Variants in AKAP19 observed in about 807,000 individuals in gnomAD.
AKAP19 encodes the protein A-kinase anchoring protein 19, also known as small A-kinase anchoring protein.
At chr2:190,007,576 G>C in the AKAP19 span, among the ~76,000 whole-genome samples, 2 of 152,208 alleles carry the variant, frequency 1.3e-5, no homozygotes, top group African/African-American at 2.4e-5. Flanking sequence ...TTTAAGGACT[G>C]TGCCTCCTCC....
At chr2:189,999,818 C>T in the AKAP19 span, among the ~76,000 whole-genome samples, 3 of 152,288 alleles carry the variant, frequency 2.0e-5, no homozygotes, top group Middle Eastern at 6.8e-3. Flanking sequence ...TGGTTTATTA[C>T]TATTCAGAGC....
the AKAP19 span, among the ~76,000 whole-genome samples, chr2:189,978,977 A>AT: frequency 6.6e-6 from 1 of 152,178 alleles, no homozygotes; most frequent in Non-Finnish European, 1.5e-5. Flanking sequence ...AGTTGAAAGA[A>AT]TCAATATCAT....
the AKAP19 span, among the ~76,000 whole-genome samples, chr2:190,151,377 A>G: frequency 6.6e-6 from 1 of 152,046 alleles, no homozygotes; most frequent in Admixed American, 6.6e-5. Context: ...CCATCCCCCC[A>G]TGACAGGCCA....
chr2:189,904,313 C>G, the AKAP19 span, among the ~76,000 whole-genome samples: 1 of 151,974 alleles, frequency 6.6e-6, no homozygotes, highest in African/African-American at 2.4e-5. Context: ...ACACAAAGTG[C>G]GTAAGTGACC....
the AKAP19 span, among the ~76,000 whole-genome samples, chr2:189,973,694 T>C: frequency 9.2e-5 from 14 of 152,350 alleles, no homozygotes; most frequent in African/African-American, 3.1e-4. Flanking sequence ...ATTCAACTTC[T>C]TCCTGGTTTA....
chr2:190,187,757 A>C, the AKAP19 span, among the ~76,000 whole-genome samples: 1 of 152,154 alleles, frequency 6.6e-6, no homozygotes, highest in African/African-American at 2.4e-5. Flanking sequence ...AGGAGGCTGA[A>C]GCCAGAGAAT....
At chr2:189,930,360 G>A in the AKAP19 span, 1 of 480,628 alleles carries the variant, frequency 2.1e-6, no homozygotes. Flanking sequence ...TACAGTCCAG[G>A]TGGTAGATGT....
At chr2:190,029,282 C>A in the AKAP19 span, among the ~76,000 whole-genome samples, 2 of 152,062 alleles carry the variant, frequency 1.3e-5, no homozygotes, top group Non-Finnish European at 2.9e-5. Context: ...AAACTCCCGA[C>A]CTCAGGTAAT....
At chr2:190,032,002 T>C in the AKAP19 span, among the ~76,000 whole-genome samples, 1 of 152,360 alleles carries the variant, frequency 6.6e-6, no homozygotes, top group African/African-American at 2.4e-5. Flanking sequence ...TTTTTCTTTA[T>C]ACATGTTTTA....
chr2:189,893,854 G>A, the AKAP19 span, among the ~76,000 whole-genome samples: 1 of 152,132 alleles, frequency 6.6e-6, no homozygotes, highest in East Asian at 1.9e-4. Context: ...TTATTATAAG[G>A]GACTTTAGCA....
the AKAP19 span, among the ~76,000 whole-genome samples, chr2:190,112,426 C>A: frequency 0.024 from 3,703 of 152,168 alleles, 58 homozygotes; most frequent in Middle Eastern, 0.034. Context: ...TTGGCCAGGA[C>A]CTACAGTATT....
chr2:189,942,228 T>C, the AKAP19 span, among the ~76,000 whole-genome samples: 43 of 152,146 alleles, frequency 2.8e-4, no homozygotes, highest in African/African-American at 1.0e-3. Flanking sequence ...TAGTGAGTTC[T>C]TATGAGATCA....
the AKAP19 span, among the ~76,000 whole-genome samples, chr2:189,985,770 G>A: frequency 0.025 from 3,773 of 152,258 alleles, 96 homozygotes; most frequent in Non-Finnish European, 0.04. Context: ...CTGATCTACC[G>A]ACTGTAAGCT....
At chr2:189,947,787 T>C in the AKAP19 span, among the ~76,000 whole-genome samples, 1 of 152,156 alleles carries the variant, frequency 6.6e-6, no homozygotes, top group Non-Finnish European at 1.5e-5. Flanking sequence ...CTAACCACTC[T>C]AGCTGACTTT....
At chr2:189,933,826 A>G in the AKAP19 span, among the ~76,000 whole-genome samples, 8 of 152,082 alleles carry the variant, frequency 5.3e-5, no homozygotes, top group Non-Finnish European at 8.8e-5. Flanking sequence ...ATTTGATATT[A>G]TTTTGTCACT....
the AKAP19 span, among the ~76,000 whole-genome samples, chr2:189,884,583 T>G: frequency 6.6e-6 from 1 of 152,206 alleles, no homozygotes; most frequent in East Asian, 1.9e-4. Flanking sequence ...GTCAAAGACT[T>G]TATTGAAGCA....
chr2:189,952,103 C>T, the AKAP19 span, among the ~76,000 whole-genome samples: 4 of 152,358 alleles, frequency 2.6e-5, no homozygotes, highest in Admixed American at 6.5e-5. Flanking sequence ...CTTGTATCCT[C>T]ACAATTTATC....
the AKAP19 span, among the ~76,000 whole-genome samples, chr2:190,156,124 G>A: frequency 0.29 from 44,112 of 151,864 alleles, 6,765 homozygotes; most frequent in African/African-American, 0.37. Flanking sequence ...CTTAAAAAAA[G>A]ATAAGTCAGA....
chr2:189,998,381 T>C, the AKAP19 span, among the ~76,000 whole-genome samples: 2 of 152,206 alleles, frequency 1.3e-5, no homozygotes, highest in African/African-American at 4.8e-5. Context: ...TGCAGCCATC[T>C]GGGCCTGGGA....
Sources: allele counts gnomAD v4.1 joint callset (sites outside exome capture counted in the v4.1 genomes callset), GRCh38; gene constraint gnomAD v4.1.1; transcripts MANE v1.5; gene names NCBI Gene and HGNC (gene_info 2026-07-23, HGNC 2026-07-21).